Variants in DSC3 observed in about 807,000 individuals in gnomAD.
DSC3 encodes desmocollin 3, also known as desmocollin-3.
Under a neutral mutation model 89.5 loss-of-function variants are expected in DSC3, and 97 were observed. The ratio of observed to expected loss-of-function variants is 1.08; its 90% CI spans 0.92 to 1.28. The LOEUF is 1.28. DSC3 is among the 50% of genes most tolerant of loss of function. The pLI is 0.00. For synonymous variants in DSC3, 436 were observed against 384.1 expected (o/e 1.14, Z -1.58); for missense variants, 1,199 against 1,085.3 (o/e 1.10, Z -1.47).
chr18:30,989,555 C>T lies in DSC3; in HGVS notation c.*4620G>A, dbSNP rs913847413. Among the ~76,000 whole-genome samples, 32 of 152,176 alleles carry T rather than the reference C, an allele frequency of 2.1e-4. No individual in the cohort carries two copies. The highest frequency in any genetic ancestry group is 7.2e-4 in the African/African-American group (30 of 41,522). ...ACAGTTTCACAACATTTTAAATGTACTAAAGTCACTGAATTATACACTTTA... is the reference window on the plus strand; with the variant it reads ...ACAGTTTCACAACATTTTAAATGTATTAAAGTCACTGAATTATACACTTTA... On this transcript the variant is annotated 3_prime_UTR_variant, in exon 16 of 16. Coordinates refer to ENST00000360428, the MANE Select transcript of DSC3 (RefSeq NM_001941.5).
intron 2 of DSC3, 73 bp from the exon 3 acceptor site, chr18:31,031,245 A>G: frequency 9.3e-7 from 1 of 1,071,796 alleles, no homozygotes; most frequent in Non-Finnish European, 1.4e-6. Flanking sequence ...TAATTTATAT[A>G]ATATTCTTAA....
chr18:31,031,413 G>T (rs1047549683), intron 2 of DSC3, among the ~76,000 whole-genome samples: 2 of 151,846 alleles, frequency 1.3e-5, no homozygotes, highest in African/African-American at 4.8e-5. Context: ...ACCTTTATAT[G>T]CTTCTAATAG....
At chr18:31,000,013 C>T (rs961920868) in intron 14 of DSC3, among the ~76,000 whole-genome samples, 5 of 152,062 alleles carry the variant, frequency 3.3e-5, no homozygotes, top group African/African-American at 1.2e-4. Flanking sequence ...TAAGAACTTA[C>T]TATGAGTCAA....
intron 9 of DSC3, among the ~76,000 whole-genome samples, chr18:31,008,992 G>T (rs1348298844): frequency 6.6e-6 from 1 of 152,008 alleles, no homozygotes; most frequent in Non-Finnish European, 1.5e-5. Context: ...AAAACCAAAA[G>T]GTGCAATGAT....
At chr18:31,022,684 A>G (rs1985464746) in intron 6 of DSC3, among the ~76,000 whole-genome samples, 182 bp from the exon 7 acceptor site, 1 of 152,220 alleles carries the variant, frequency 6.6e-6, no homozygotes, top group Non-Finnish European at 1.5e-5. Context: ...TTTATCACAC[A>G]TAACACTTTG....
chr18:31,009,782 A>AT lies in DSC3; in HGVS notation c.1264-1258dup, dbSNP rs200312823. On this transcript the variant is annotated intron_variant, in intron 9 of 15. Coordinates refer to ENST00000360428, the MANE Select transcript of DSC3 (RefSeq NM_001941.5). ...GAAAACGGGAAAAGGAGATAAACTG[A>AT]TTTTTTTTTAAGACCAAAAGATAAT... is the stretch of plus-strand genomic sequence containing the variant. Among the ~76,000 whole-genome samples, 1,487 of 151,818 alleles carry AT rather than the reference A, an allele frequency of 9.8e-3. 10 individuals carry two copies. Among genetic ancestry groups the AT allele is most frequent in the Non-Finnish European group, 0.017 (1,121 of 67,874 alleles).
chr18:31,029,412 G>T, intron 4 of DSC3, 97 bp downstream of exon 4: 2 of 1,473,502 alleles, frequency 1.4e-6, no homozygotes, highest in Non-Finnish European at 9.4e-7. Flanking sequence ...TCTTTAATCA[G>T]ATCTGTTTAT....
chr18:31,001,048 T>C, intron 14 of DSC3, among the ~76,000 whole-genome samples: 1 of 145,934 alleles, frequency 6.9e-6, no homozygotes, highest in Middle Eastern at 3.6e-3. Context: ...TATATGTGTG[T>C]GTATATATAT....
At chr18:31,012,322 A>G (rs553197526) in intron 9 of DSC3, among the ~76,000 whole-genome samples, 3 of 152,340 alleles carry the variant, frequency 2.0e-5, no homozygotes, top group African/African-American at 7.2e-5. Flanking sequence ...CTCTTGTGCA[A>G]ATGAAGTAAT....
intron 1 of DSC3, among the ~76,000 whole-genome samples, chr18:31,037,678 G>T (rs1432957181): frequency 6.6e-6 from 1 of 152,180 alleles, no homozygotes; most frequent in Non-Finnish European, 1.5e-5. Context: ...GAGGCAGGCG[G>T]ATCATGAGGT....
chr18:30,989,738 T>G lies in DSC3; in HGVS notation c.*4437A>C, dbSNP rs1435387599. 6.6e-6 allele frequency among the ~76,000 whole-genome samples: 1 copy of G among 152,214 alleles called. No homozygotes were observed. Among genetic ancestry groups the G allele is most frequent in the Non-Finnish European group, 1.5e-5 (1 of 68,040 alleles). On this transcript the variant is annotated 3_prime_UTR_variant, in exon 16 of 16. Transcript: ENST00000360428. The stretch of plus-strand genomic sequence containing the variant: ...CCGTAAACATGTTCTGAATACTATT[T>G]AATTTTTCTGCCCATGAAACCAAGC...
chr18:31,032,260 C>G lies in DSC3; in HGVS notation c.86G>C (p.Gly29Ala). Residue 29 changes from glycine (G) to alanine (A), a missense_variant, in exon 2 of 16, where the codon GGT becomes GCT. Gly to Ala is a moderately conservative substitution (Grantham distance 60). Coordinates refer to ENST00000360428, the MANE Select transcript of DSC3 (RefSeq NM_001941.5). ...LLTLVIFSRA[G>A]EACKKVILNV... The stretch of plus-strand genomic sequence containing the variant: ...AAGTATCACCTTTTTGCAGGCTTCA[C>G]CAGCACGACTGAAGATCTAGAATTT... 7.4e-6 allele frequency: 12 copies of G among 1,612,782 alleles called. No individual in the cohort carries two copies. Among genetic ancestry groups the G allele is most frequent in the Non-Finnish European group, 1.0e-5 (12 of 1,178,924 alleles).
At chr18:31,001,811 T>C (rs1308344653) in intron 13 of DSC3, 72 bp from the exon 14 acceptor site, 2 of 1,256,114 alleles carry the variant, frequency 1.6e-6, no homozygotes, top group East Asian at 5.2e-5. Context: ...ATTTATTTCT[T>C]ACGACCTAAG....
rs1984354197 is a variant in DSC3, at chr18:30,993,762, T to C, written c.*413A>G. 5.9e-6 allele frequency: 1 copy of C among 170,320 alleles called. No individual in the cohort carries two copies. The allele number at this position is 170,320 out of a possible 1,614,324, so 10.6% of individuals were successfully genotyped here. Reference sequence around the variant, plus strand: ...ATTTAATTCAGTCTTCATTGTTTCTTTTCCAAAACTTTCTTCACATAGTGA... The same window carrying C: ...ATTTAATTCAGTCTTCATTGTTTCTCTTCCAAAACTTTCTTCACATAGTGA... On this transcript the variant is annotated 3_prime_UTR_variant, in exon 16 of 16. Transcript: ENST00000360428.
chr18:30,994,580 T>C lies in DSC3; in HGVS notation c.2494-208A>G, dbSNP rs533829045. On this transcript the variant is annotated intron_variant, in intron 15 of 15. Coordinates refer to ENST00000360428, the MANE Select transcript of DSC3 (RefSeq NM_001941.5). ...TAGTTTACATTTCTAGTGCTCCATA[T>C]AAATAAAAAATTATGTATACAAGTT... 870 of 1,100,066 alleles carry C rather than the reference T, an allele frequency of 7.9e-4. 3 individuals carry two copies. The highest frequency in any genetic ancestry group is 1.7e-3 in the Middle Eastern group (5 of 2,900). The allele number at this position is 1,100,066 out of a possible 1,614,324, so 68.1% of individuals were successfully genotyped here.
chr18:31,009,160 C>T (rs1414536894), intron 9 of DSC3, among the ~76,000 whole-genome samples: 3 of 152,162 alleles, frequency 2.0e-5, no homozygotes, highest in Non-Finnish European at 4.4e-5. Flanking sequence ...AAGCGATTCT[C>T]CTGCCTCAGC....
chr18:30,996,467 T>C (rs1292594211), intron 15 of DSC3, among the ~76,000 whole-genome samples: 1 of 152,158 alleles, frequency 6.6e-6, no homozygotes, highest in Non-Finnish European at 1.5e-5. Flanking sequence ...AGTTTGTAAT[T>C]GTGAGGAACT....
At chr18:31,042,343 G>A (rs1454992996) in intron 1 of DSC3, among the ~76,000 whole-genome samples, 1 of 152,204 alleles carries the variant, frequency 6.6e-6, no homozygotes, top group East Asian at 1.9e-4. Context: ...AAGCCTGAGC[G>A]CGACTCAGAA....
rs567351073 is a variant in DSC3 at position 31,006,213 on chromosome 18, C to A, written c.1888+694G>T. Among the ~76,000 whole-genome samples, 28 of 152,264 alleles carry A rather than the reference C, an allele frequency of 1.8e-4. No individual in the cohort carries two copies. In the South Asian group the frequency reaches 5.0e-3, roughly 27 times the overall value. On this transcript the variant is annotated intron_variant, in intron 12 of 15. Transcript: ENST00000360428. ...GATACCCTAGAGTGCTTGGTCTATA[C>A]ACCTGAGTTCCTCACTTCCAGAGTC...
Sources: allele counts gnomAD v4.1 joint callset (sites outside exome capture counted in the v4.1 genomes callset), GRCh38; gene constraint gnomAD v4.1.1; transcripts MANE v1.5; gene names NCBI Gene and HGNC (gene_info 2026-07-23, HGNC 2026-07-21).